The following CCDC85A variants were observed in gnomAD, a reference collection of about 807,000 sequenced individuals.
CCDC85A encodes the protein coiled-coil domain containing 85A, also known as coiled-coil domain-containing protein 85A.
A neutral mutation model predicts 50.2 loss-of-function variants in CCDC85A; 38 were observed. The observed-to-expected ratio is 0.76, with a 90% CI of 0.58 to 0.99. CCDC85A has a LOEUF of 0.99. Among genes scored for constraint, CCDC85A ranks in the 50% least tolerant of loss-of-function variants. The probability of loss-of-function intolerance (pLI) is 0.00; values close to 1 mark genes in which losing one functional copy is unlikely to be tolerated. For missense variants in CCDC85A, 820 were observed against 742.0 expected, an observed-to-expected ratio of 1.11 and a Z score of -1.22; for synonymous variants, 366 against 301.4, an observed-to-expected ratio of 1.21 and a Z score of -2.22.
chr2:56,220,261 T>C (rs1331883230), intron 2 of CCDC85A, among the ~76,000 whole-genome samples: 1 of 151,990 alleles, frequency 6.6e-6, no homozygotes, highest in Non-Finnish European at 1.5e-5. Flanking sequence ...TTAAACTCCT[T>C]CACTCCAGTG....
chr2:56,285,790 A>G (rs1474848665), intron 2 of CCDC85A, among the ~76,000 whole-genome samples: 1 of 151,824 alleles, frequency 6.6e-6, no homozygotes, highest in Non-Finnish European at 1.5e-5. Context: ...GTTGCTTTTT[A>G]TATTTGCCCA....
At chr2:56,264,732 C>A (rs1670362620) in intron 2 of CCDC85A, among the ~76,000 whole-genome samples, 1 of 152,160 alleles carries the variant, frequency 6.6e-6, no homozygotes, top group African/African-American at 2.4e-5. Context: ...TGCAGAATTT[C>A]TTGTAGGACT....
chr2:56,274,780 T>G (rs1670853884), intron 2 of CCDC85A, among the ~76,000 whole-genome samples: 1 of 152,114 alleles, frequency 6.6e-6, no homozygotes, highest in Non-Finnish European at 1.5e-5. Flanking sequence ...CCTAAGACTG[T>G]GGGGGTTAAA....
intron 2 of CCDC85A, among the ~76,000 whole-genome samples, chr2:56,292,990 A>AT (rs1363178366): frequency 6.6e-6 from 1 of 152,166 alleles, no homozygotes; most frequent in Admixed American, 6.5e-5. Context: ...CAGCTTTTCC[A>AT]TGTCATGGCA....
intron 2 of CCDC85A, among the ~76,000 whole-genome samples, chr2:56,275,077 A>G (rs910478858): frequency 2.6e-5 from 4 of 152,084 alleles, no homozygotes; most frequent in African/African-American, 4.8e-5. Flanking sequence ...AAATACCACC[A>G]TATCGGGAGC....
rs187787443 is a variant in CCDC85A, at chr2:56,254,936, A to G, written c.1240+61496A>G. 9.3e-4 allele frequency among the ~76,000 whole-genome samples: 141 copies of G among 152,336 alleles called. 1 individual carries two copies. Among genetic ancestry groups the G allele is most frequent in the African/African-American group, 3.3e-3 (136 of 41,578 alleles). ...ACACATGAACCCCTTGATTCCAGGGACTTAGCATCACAAAGGTTTGCTTCT... is the reference window on the plus strand; with the variant it reads ...ACACATGAACCCCTTGATTCCAGGGGCTTAGCATCACAAAGGTTTGCTTCT... On this transcript the variant is annotated intron_variant, in intron 2 of 5. Transcript: ENST00000407595.
chr2:56,225,330 G>A (rs968341879), intron 2 of CCDC85A, among the ~76,000 whole-genome samples: 21 of 152,084 alleles, frequency 1.4e-4, no homozygotes, highest in Non-Finnish European at 2.4e-4. Flanking sequence ...GGAGGCTGAG[G>A]CAGGAGAATC....
At chr2:56,191,907 C>T (rs1204651820) in intron 1 of CCDC85A, among the ~76,000 whole-genome samples, 1 of 152,176 alleles carries the variant, frequency 6.6e-6, no homozygotes, top group African/African-American at 2.4e-5. Flanking sequence ...GTTGAAAGGT[C>T]TGTTGTCTCA....
In CCDC85A at chr2:56,318,928, G is replaced by A. The variant is rs1305198633; in HGVS notation, c.1241-23951G>A. 2.0e-5 allele frequency among the ~76,000 whole-genome samples: 3 copies of A among 152,110 alleles called. No homozygotes were observed. In the East Asian group the frequency reaches 5.8e-4, roughly 29 times the overall value. ...AGCAGCCCATGAAAGCCAAGGACAG[G>A]AAGCTAGTCTGAAGACTCTGTGGGC... is the stretch of plus-strand genomic sequence containing the variant. On this transcript the variant is annotated intron_variant, in intron 2 of 5. Coordinates refer to ENST00000407595, the MANE Select transcript of CCDC85A (RefSeq NM_001080433.2).
chr2:56,214,274 C>T (rs540005489), intron 2 of CCDC85A, among the ~76,000 whole-genome samples: 2 of 151,888 alleles, frequency 1.3e-5, no homozygotes, highest in African/African-American at 2.4e-5. Context: ...ATTCCTACCT[C>T]ATAGGGATAT....
At chr2:56,377,344 G>T (rs1676382506) in intron 5 of CCDC85A, among the ~76,000 whole-genome samples, 1 of 152,152 alleles carries the variant, frequency 6.6e-6, no homozygotes. Flanking sequence ...TATCTGAAAA[G>T]CATTTTAAAA....
At chr2:56,324,158 C>G (rs537037693) in intron 2 of CCDC85A, among the ~76,000 whole-genome samples, 51 of 152,146 alleles carry the variant, frequency 3.4e-4, no homozygotes, top group Non-Finnish European at 6.3e-4. Context: ...ATTTAAGAAG[C>G]CTTTCTCAGT....
At chr2:56,263,090 T>C (rs1278595457) in intron 2 of CCDC85A, among the ~76,000 whole-genome samples, 1 of 151,992 alleles carries the variant, frequency 6.6e-6, no homozygotes, top group East Asian at 1.9e-4. Context: ...CAAGTGAAAA[T>C]ACTTAAGTAG....
chr2:56,257,911 A>T (rs939165490), intron 2 of CCDC85A, among the ~76,000 whole-genome samples: 2 of 152,240 alleles, frequency 1.3e-5, no homozygotes, highest in African/African-American at 4.8e-5. Flanking sequence ...GGTAATGAAG[A>T]TGGTGGTAAG....
chr2:56,184,568 C>A lies in CCDC85A; in HGVS notation c.-57C>A. ...CGGAGGCGGCCTCGCCGCGCCCGCG[C>A]CTTCGGGAGTCGCCTCGCCTCTTCC... On this transcript the variant is annotated 5_prime_UTR_variant, in exon 1 of 6. Coordinates refer to ENST00000407595, the MANE Select transcript of CCDC85A (RefSeq NM_001080433.2). 7.3e-7 allele frequency: 1 copy of A among 1,363,502 alleles called. No individual in the cohort carries two copies. The allele number at this position is 1,363,502 out of a possible 1,614,324, so 84.5% of individuals were successfully genotyped here. A position where few individuals can be genotyped will look rare whatever the true frequency, so the allele number is the denominator to read the frequency against.
intron 2 of CCDC85A, among the ~76,000 whole-genome samples, chr2:56,324,845 A>T (rs527813454): frequency 6.6e-6 from 1 of 152,202 alleles, no homozygotes; most frequent in African/African-American, 2.4e-5. Flanking sequence ...TATTGGTGTC[A>T]GACTTGGGCT....
intron 2 of CCDC85A, among the ~76,000 whole-genome samples, chr2:56,309,312 C>A (rs1223062825): frequency 6.6e-6 from 1 of 152,100 alleles, no homozygotes; most frequent in South Asian, 2.1e-4. Flanking sequence ...CTACACAGAT[C>A]GTAGCAGTTT....
chr2:56,346,479 T>C (rs1357614495), intron 3 of CCDC85A, among the ~76,000 whole-genome samples: 2 of 152,182 alleles, frequency 1.3e-5, no homozygotes, highest in African/African-American at 4.8e-5. Context: ...CCACAGGAAG[T>C]GCTGATGGAG....
intron 2 of CCDC85A, among the ~76,000 whole-genome samples, chr2:56,225,274 C>A (rs1314465005): frequency 6.6e-6 from 1 of 152,016 alleles, no homozygotes; most frequent in Non-Finnish European, 1.5e-5. Context: ...ATTATATAAA[C>A]AACTAGCTTG....
Sources: allele counts gnomAD v4.1 joint callset (sites outside exome capture counted in the v4.1 genomes callset), GRCh38; gene constraint gnomAD v4.1.1; transcripts MANE v1.5; gene names NCBI Gene and HGNC (gene_info 2026-07-23, HGNC 2026-07-21).